Variants in SMARCAL1 observed in about 807,000 individuals in gnomAD.
The protein encoded by SMARCAL1 is ATP-driven annealing helicase.
Under a neutral mutation model 94.5 loss-of-function variants are expected in SMARCAL1, and 58 were observed. The observed-to-expected ratio is 0.61, with a 90% CI of 0.50 to 0.76. The LOEUF is 0.76. SMARCAL1 is among the 30% of genes least tolerant of loss of function. The probability of loss-of-function intolerance (pLI) is 0.00; values close to 1 mark genes in which losing one functional copy is unlikely to be tolerated. For missense variants in SMARCAL1, 1,051 were observed against 1,177.9 expected (o/e 0.89, Z 1.58); for synonymous variants, 422 against 455.1 (o/e 0.93, Z 0.93).
At chr2:216,417,432 G>A (rs1693626386) in intron 4 of SMARCAL1, among the ~76,000 whole-genome samples, 1 of 152,202 alleles carries the variant, frequency 6.6e-6, no homozygotes, top group South Asian at 2.1e-4. Context: ...CTCTCTCCAT[G>A]CCCTGCAGGT....
chr2:216,469,794 G>A (rs11676439), intron 14 of SMARCAL1, among the ~76,000 whole-genome samples: 56 of 152,268 alleles, frequency 3.7e-4, no homozygotes, highest in Non-Finnish European at 7.1e-4. Context: ...CATACTAAAT[G>A]TTGTCAAATT....
At chr2:216,424,059 C>G (rs1211299659) in intron 6 of SMARCAL1, among the ~76,000 whole-genome samples, 1 of 152,182 alleles carries the variant, frequency 6.6e-6, no homozygotes, top group Non-Finnish European at 1.5e-5. Flanking sequence ...AGAATAGGCT[C>G]TCAGTGTACT....
At position 216,428,729 on chromosome 2, in the gene SMARCAL1, A is replaced by G. The variant is rs1693895812; in HGVS notation, c.1281A>G (p.Glu427=). Residue 427 remains glutamate, a synonymous_variant, in exon 7 of 18, where the codon GAA becomes GAG. Transcript: ENST00000357276. The part of the protein sequence containing the change: ...TPDVPEADLS[E]VDPKLVSNLM... ...ATGTCCCAGAGGCAGACCTTTCTGA[A>G]GTGGACCCCAAGCTCGTGTCTAATC... is the stretch of plus-strand genomic sequence containing the variant. 6.2e-7 allele frequency: 1 copy of G among 1,614,116 alleles called. No individual in the cohort carries two copies. Among genetic ancestry groups the G allele is most frequent in the Non-Finnish European group, 8.5e-7 (1 of 1,180,048 alleles).
chr2:216,422,259 A>G (rs1693739576), intron 5 of SMARCAL1, among the ~76,000 whole-genome samples: 1 of 152,190 alleles, frequency 6.6e-6, no homozygotes, highest in South Asian at 2.1e-4. Context: ...GCCATCCTGT[A>G]ATCCCAACTA....
intron 4 of SMARCAL1, among the ~76,000 whole-genome samples, chr2:216,417,087 G>C (rs889225473): frequency 2.0e-5 from 3 of 152,188 alleles, no homozygotes; most frequent in Admixed American, 2.0e-4. Flanking sequence ...CCTAGCTTAA[G>C]AAAGGAAAAG....
At chr2:216,416,679 G>A (rs1041303729) in intron 4 of SMARCAL1, among the ~76,000 whole-genome samples, 2 of 152,188 alleles carry the variant, frequency 1.3e-5, no homozygotes, top group African/African-American at 4.8e-5. Context: ...TTCAAACCCT[G>A]ACAGTCTGAC....
chr2:216,446,547 G>A, intron 10 of SMARCAL1: 1 of 387,238 alleles, frequency 2.6e-6, no homozygotes, highest in Non-Finnish European at 5.2e-6. Flanking sequence ...GATCCACTCT[G>A]GAGGAAGTTC....
At chr2:216,416,124 T>C in intron 3 of SMARCAL1, 133 bp from the exon 4 acceptor site, 1 of 769,578 alleles carries the variant, frequency 1.3e-6, no homozygotes, top group Admixed American at 1.8e-5. Flanking sequence ...CAGAGATTTT[T>C]ATAGATCAGT....
chr2:216,442,632 T>C (rs1694220719), intron 10 of SMARCAL1, among the ~76,000 whole-genome samples: 1 of 152,170 alleles, frequency 6.6e-6, no homozygotes, highest in Non-Finnish European at 1.5e-5. Context: ...TTACAACCAT[T>C]GTTTTACACT....
At position 216,413,903 on chromosome 2, in the gene SMARCAL1, G is replaced by T. The variant is rs542733554; in HGVS notation, c.-59+11G>T. 2.6e-5 allele frequency: 4 copies of T among 152,162 alleles called. No individual in the cohort carries two copies. The highest frequency in any genetic ancestry group is 9.7e-5 in the African/African-American group (4 of 41,418). The allele number at this position is 152,162 out of a possible 1,614,324, so 9.4% of individuals were successfully genotyped here. ...AAGTGTCACGCCATGGTATGTGGTT[G>T]GTTGGTCTATTTCAGTCTAATCTAT... On this transcript the variant is annotated intron_variant, in intron 2 of 17. Coordinates refer to ENST00000357276, the MANE Select transcript of SMARCAL1 (RefSeq NM_014140.4).
Position 216,482,674 on chromosome 2 carries a change from G to T in SMARCAL1, c.2626-64G>T. 1 of 1,611,118 alleles carries T rather than the reference G, an allele frequency of 6.2e-7. No individual in the cohort carries two copies. Among genetic ancestry groups the T allele is most frequent in the Non-Finnish European group, 8.5e-7 (1 of 1,177,572 alleles). ...TTATATTCTCTCATCAGCCCTAGTG[G>T]AGGAGAGTCAGTGTTGGAGCCTGGG... On this transcript the variant is annotated intron_variant, in intron 17 of 17. Transcript: ENST00000357276. This position sits in a 1 kb window ranked among gnomAD's most constrained non-coding sequence, Gnocchi z 4.3.
At chr2:216,474,875 G>C (rs868586165) in intron 14 of SMARCAL1, among the ~76,000 whole-genome samples, 1 of 152,150 alleles carries the variant, frequency 6.6e-6, no homozygotes, top group African/African-American at 2.4e-5. Flanking sequence ...TGGAGTTGTT[G>C]AGTATCTTAA....
rs1384570860 is a variant in SMARCAL1 at position 216,420,459 on chromosome 2, C to T, written c.1023C>T (p.Ala341=). 1.2e-6 allele frequency: 2 copies of T among 1,614,200 alleles called. No homozygotes were observed. The highest frequency in any genetic ancestry group is 1.7e-5 in the Admixed American group (1 of 60,026). Residue 341 remains alanine (A), a synonymous_variant, in exon 5 of 18, where the codon GCC becomes GCT. Coordinates refer to ENST00000357276, the MANE Select transcript of SMARCAL1 (RefSeq NM_014140.4). Reference sequence around the variant, plus strand: ...GGCGATGCATGCTCATCTCCAGGGCCTACTTCGAGGCAGACATCAGTTATT... The same window carrying T: ...GGCGATGCATGCTCATCTCCAGGGCTTACTTCGAGGCAGACATCAGTTATT... The part of the protein sequence containing the change: ...VKGRCMLISR[A]YFEADISYSQ...
intron 12 of SMARCAL1, among the ~76,000 whole-genome samples, chr2:216,459,904 C>T (rs1169097733): frequency 6.6e-6 from 1 of 152,160 alleles, no homozygotes; most frequent in Non-Finnish European, 1.5e-5. Flanking sequence ...AGGAAACCTA[C>T]AGAATGGGAG....
At chr2:216,440,004 T>C (rs1054502427) in intron 10 of SMARCAL1, among the ~76,000 whole-genome samples, 1 of 149,128 alleles carries the variant, frequency 6.7e-6, no homozygotes, top group Admixed American at 6.7e-5. Flanking sequence ...ATTGTGCCAC[T>C]GCACTCCAGC....
chr2:216,436,403 C>T (rs1694083833), intron 9 of SMARCAL1, among the ~76,000 whole-genome samples: 1 of 152,208 alleles, frequency 6.6e-6, no homozygotes, highest in Admixed American at 6.5e-5. Flanking sequence ...GGTACCCAGC[C>T]ATCTCTGTCA....
chr2:216,482,608 GTGTAGCTCCC>G lies in SMARCAL1; in HGVS notation c.2626-127_2626-118del. ...GCTGAGATGATGCACACTTGCCATCGTGTAGCTCCCTGACACCATGAAATGTGTGGTCTCT... is the reference window on the plus strand; with the variant it reads ...GCTGAGATGATGCACACTTGCCATCGTGACACCATGAAATGTGTGGTCTCT... On this transcript the variant is annotated intron_variant, in intron 17 of 17. Transcript: ENST00000357276. This position sits in a 1 kb window ranked among gnomAD's most constrained non-coding sequence, Gnocchi z 4.3. 1 of 1,315,292 alleles carries G rather than the reference GTGTAGCTCCC, an allele frequency of 7.6e-7. No homozygotes were observed. The highest frequency in any genetic ancestry group is 1.2e-5 in the South Asian group (1 of 83,120). 81.5% of individuals were successfully genotyped at this position (1,315,292 alleles called of 1,614,324 possible). A position where few individuals can be genotyped will look rare whatever the true frequency, so the allele number is the denominator to read the frequency against.
chr2:216,418,918 T>C (rs1693658426), intron 4 of SMARCAL1, among the ~76,000 whole-genome samples: 2 of 152,244 alleles, frequency 1.3e-5, no homozygotes. Context: ...TACTTTTGTC[T>C]TTTCCAGAAT....
In SMARCAL1 at chr2:216,482,778, C is replaced by G. The variant is rs1188805239; in HGVS notation, c.2666C>G (p.Ser889Cys). The G allele has an allele frequency of 5.0e-6, 8 of 1,614,044 alleles. No homozygotes were observed. Among genetic ancestry groups the G allele is most frequent in the Non-Finnish European group, 6.8e-6 (8 of 1,180,026 alleles). ...QQKIYDLFQK[S>C]FEKEGSDMEL... ...AAGATCTACGACCTATTCCAGAAGT[C>G]CTTTGAGAAAGAAGGAAGTGATATG... Residue 889 changes from serine to cysteine, a missense_variant, in exon 18 of 18, where the codon TCC (serine) becomes TGC (cysteine). Around this residue, in one of 3 missense-constraint regions of SMARCAL1, gnomAD observed 642 missense variants for 754.7 expected, o/e 0.85. Coordinates refer to ENST00000357276, the MANE Select transcript of SMARCAL1 (RefSeq NM_014140.4). This position sits in a 1 kb window ranked among gnomAD's most constrained non-coding sequence, Gnocchi z 4.3.
Sources: allele counts gnomAD v4.1 joint callset (sites outside exome capture counted in the v4.1 genomes callset), GRCh38; gene constraint gnomAD v4.1.1; regional missense constraint gnomAD v4.1.1; non-coding constraint Gnocchi (gnomAD v3.1); transcripts MANE v1.5; gene names NCBI Gene and HGNC (gene_info 2026-07-23, HGNC 2026-07-21).